GABRB2: variants seen among roughly 807,000 people sequenced by gnomAD.
The protein encoded by GABRB2 is gamma-aminobutyric acid receptor subunit beta-2.
GABRB2 carries 16 observed loss-of-function variants against 54.7 expected under a neutral mutation model. The ratio of observed to expected loss-of-function variants is 0.29; its 90% CI spans 0.20 to 0.44. The LOEUF (loss-of-function observed/expected upper bound fraction) is 0.44, where lower values mean the gene tolerates loss of function less well. GABRB2 is among the 20% of genes least tolerant of loss of function. The pLI, the probability that GABRB2 is intolerant of heterozygous loss-of-function variation, is 1.00. For missense variants in GABRB2, 355 were observed against 644.0 expected, an observed-to-expected ratio of 0.55 and a Z score of 4.86; for synonymous variants, 244 against 233.8, an observed-to-expected ratio of 1.04 and a Z score of -0.40.
At chr5:161,328,612 T>C (rs2113393505) in intron 8 of GABRB2, among the ~76,000 whole-genome samples, 1 of 152,292 alleles carries the variant, frequency 6.6e-6, no homozygotes, top group South Asian at 2.1e-4. Flanking sequence ...ACTCATGATG[T>C]CTTGATTCTT....
In GABRB2 at chr5:161,300,296, A is replaced by C. The variant is rs78769396; in HGVS notation, c.1192-5868T>G. ...GATGTTAAATTCAATAGCAATTATCATTCCTTTTTCTCCTTTGAAATATCT... is the reference window on the plus strand; with the variant it reads ...GATGTTAAATTCAATAGCAATTATCCTTCCTTTTTCTCCTTTGAAATATCT... On this transcript the variant is annotated intron_variant, in intron 9 of 9. Coordinates refer to ENST00000393959, the MANE Select transcript of GABRB2 (RefSeq NM_001371727.1). Among the ~76,000 whole-genome samples the C allele has an allele frequency of 8.1e-3, 1,235 of 152,288 alleles. 22 individuals are homozygous for C. The highest frequency in any genetic ancestry group is 0.028 in the African/African-American group (1,183 of 41,546).
chr5:161,355,832 T>C (rs1754607044), intron 5 of GABRB2, among the ~76,000 whole-genome samples: 1 of 152,110 alleles, frequency 6.6e-6, no homozygotes. Context: ...TGTTTGAAGG[T>C]TTATTTAGTA....
chr5:161,457,300 G>A (rs1284274612), intron 4 of GABRB2, among the ~76,000 whole-genome samples: 1 of 152,102 alleles, frequency 6.6e-6, no homozygotes, highest in Non-Finnish European at 1.5e-5. Context: ...ATTTTCCAAT[G>A]ACATGAATTA....
chr5:161,326,809 T>C (rs1354497952), intron 8 of GABRB2, among the ~76,000 whole-genome samples: 1 of 152,154 alleles, frequency 6.6e-6, no homozygotes, highest in East Asian at 1.9e-4. Flanking sequence ...GAGATCTCTG[T>C]GGTGCAGCTT....
At chr5:161,541,861 C>T (rs981820323) in intron 3 of GABRB2, among the ~76,000 whole-genome samples, 8 of 152,228 alleles carry the variant, frequency 5.3e-5, no homozygotes, top group African/African-American at 1.7e-4. Flanking sequence ...TTGACTCCTC[C>T]TTTGCATTCA....
At chr5:161,323,219 C>T (rs1758265690) in intron 9 of GABRB2, among the ~76,000 whole-genome samples, 1 of 152,038 alleles carries the variant, frequency 6.6e-6, no homozygotes, top group African/African-American at 2.4e-5. Flanking sequence ...GGCATGGTTT[C>T]ACCATGTTGG....
chr5:161,502,908 G>A (rs1420633938), intron 3 of GABRB2, among the ~76,000 whole-genome samples: 1 of 152,176 alleles, frequency 6.6e-6, no homozygotes, highest in Non-Finnish European at 1.5e-5. Context: ...TGGTTGAACA[G>A]GTGAAAACTT....
chr5:161,399,751 G>T (rs779323193), intron 5 of GABRB2, among the ~76,000 whole-genome samples: 1 of 152,092 alleles, frequency 6.6e-6, no homozygotes, highest in Non-Finnish European at 1.5e-5. Context: ...TAACATGGGT[G>T]GCCTTAAGTA....
At chr5:161,411,349 G>A (rs1258795092) in intron 4 of GABRB2, among the ~76,000 whole-genome samples, 1 of 152,152 alleles carries the variant, frequency 6.6e-6, no homozygotes, top group East Asian at 1.9e-4. Context: ...GTTGGGGAGA[G>A]GTGGAGTGGT....
At chr5:161,315,831 TCTTTATAGATGCATC>T (rs1758012275) in intron 9 of GABRB2, among the ~76,000 whole-genome samples, 3 of 152,128 alleles carry the variant, frequency 2.0e-5, no homozygotes, top group South Asian at 2.1e-4. Context: ...ATACGATAAA[TCTTTATAGATGCATC>T]ATTTTTAGGA....
intron 5 of GABRB2, among the ~76,000 whole-genome samples, chr5:161,409,480 T>C (rs1166727869): frequency 2.6e-5 from 4 of 152,134 alleles, no homozygotes; most frequent in African/African-American, 9.7e-5. Flanking sequence ...TGTTTACTTA[T>C]CTGAGAGGGT....
chr5:161,348,501 A>G (rs1295125606), intron 5 of GABRB2, among the ~76,000 whole-genome samples: 2 of 152,010 alleles, frequency 1.3e-5, no homozygotes, highest in East Asian at 1.9e-4. Flanking sequence ...TGAAAAAATG[A>G]AAGTGAATAA....
At chr5:161,472,134 C>T (rs1206753012) in intron 3 of GABRB2, among the ~76,000 whole-genome samples, 2 of 151,936 alleles carry the variant, frequency 1.3e-5, no homozygotes, top group South Asian at 4.2e-4. Context: ...CAGATTAAAT[C>T]TACAAATGTT....
At chr5:161,297,498 G>T (rs1195615342) in intron 9 of GABRB2, among the ~76,000 whole-genome samples, 4 of 151,886 alleles carry the variant, frequency 2.6e-5, no homozygotes, top group Admixed American at 2.6e-4. Context: ...TGTTCTCATT[G>T]TTCAACTCCC....
intron 5 of GABRB2, among the ~76,000 whole-genome samples, chr5:161,375,040 CA>C (rs1755251780): frequency 6.6e-6 from 1 of 152,088 alleles, no homozygotes; most frequent in African/African-American, 2.4e-5. Flanking sequence ...GCGTGAGAGA[CA>C]AAATGATATT....
rs1162468222 is a variant in GABRB2 at position 161,386,433 on chromosome 5, T to C, written c.541+24542A>G. ...AGGAGCATACAGACCTTATTCCTCA[T>C]ACATTCCAGGAAGCTGAGTGATATT... On this transcript the variant is annotated intron_variant, in intron 5 of 9. Coordinates refer to ENST00000393959, the MANE Select transcript of GABRB2 (RefSeq NM_001371727.1). Among the ~76,000 whole-genome samples, 3 of 152,158 alleles carry C rather than the reference T, an allele frequency of 2.0e-5. No individual in the cohort carries two copies. The South Asian group carries it at 6.2e-4, about 32-fold the overall frequency.
chr5:161,539,448 T>A (rs371524446), intron 3 of GABRB2, among the ~76,000 whole-genome samples: 2 of 152,338 alleles, frequency 1.3e-5, no homozygotes, highest in East Asian at 3.9e-4. Flanking sequence ...ATTTTCCTCA[T>A]GATTTTCTAG....
At chr5:161,325,816 A>T (rs1561608288) in intron 9 of GABRB2, among the ~76,000 whole-genome samples, 1 of 152,126 alleles carries the variant, frequency 6.6e-6, no homozygotes, top group Non-Finnish European at 1.5e-5. Context: ...GGTAAACAAC[A>T]ATGTCAATTA....
At chr5:161,469,855 C>G (rs1758388072) in intron 3 of GABRB2, among the ~76,000 whole-genome samples, 1 of 151,944 alleles carries the variant, frequency 6.6e-6, no homozygotes, top group East Asian at 1.9e-4. Flanking sequence ...CCTTACAAAG[C>G]TCTTCACAAT....
Sources: allele counts gnomAD v4.1 joint callset (sites outside exome capture counted in the v4.1 genomes callset), GRCh38; gene constraint gnomAD v4.1.1; transcripts MANE v1.5; gene names NCBI Gene and HGNC (gene_info 2026-07-23, HGNC 2026-07-21).